Variants in PLEKHA6 observed in about 807,000 individuals in gnomAD.
PLEKHA6 encodes the protein pleckstrin homology domain containing A6, also known as pleckstrin homology domain-containing family A member 6.
PLEKHA6 carries 60 observed loss-of-function variants against 116.7 expected under a neutral mutation model. That is an observed-to-expected ratio of 0.51 (90% CI 0.42 to 0.64). PLEKHA6 has a LOEUF of 0.64. Ranked by LOEUF, PLEKHA6 falls within the 30% of genes least tolerant of loss-of-function variation. PLEKHA6 has a pLI of 0.00. For missense variants in PLEKHA6, 1,338 were observed against 1,422.7 expected, an observed-to-expected ratio of 0.94 and a Z score of 0.96; for synonymous variants, 489 against 556.1, an observed-to-expected ratio of 0.88 and a Z score of 1.70.
chr1:204,268,386 C>T, intron 3 of PLEKHA6, 74 bp from the exon 4 acceptor site: 5 of 962,810 alleles, frequency 5.2e-6, no homozygotes, highest in South Asian at 1.8e-5. Context: ...GGAGCCACCC[C>T]TGCTAGAGCT....
At chr1:204,273,539 A>G (rs1667692159) in intron 3 of PLEKHA6, 87 bp downstream of exon 3, 1 of 922,936 alleles carries the variant, frequency 1.1e-6, no homozygotes, top group Non-Finnish European at 1.8e-6. Flanking sequence ...TGGACAGGCT[A>G]CAATTTCCTA....
At chr1:204,351,338 T>C (rs1184881658) in intron 1 of PLEKHA6, among the ~76,000 whole-genome samples, 3 of 152,098 alleles carry the variant, frequency 2.0e-5, no homozygotes, top group Non-Finnish European at 4.4e-5. Context: ...CCCAGTTCCA[T>C]CACCCAAGCC....
chr1:204,267,018 G>A (rs991661555), intron 5 of PLEKHA6, among the ~76,000 whole-genome samples: 1 of 152,202 alleles, frequency 6.6e-6, no homozygotes, highest in African/African-American at 2.4e-5. Context: ...TAGGTGCTGT[G>A]GATACAGCAG....
chr1:204,318,141 A>G (rs1048302643), intron 1 of PLEKHA6, among the ~76,000 whole-genome samples: 2 of 152,188 alleles, frequency 1.3e-5, no homozygotes, highest in African/African-American at 4.8e-5. Flanking sequence ...GTGTCTCTCC[A>G]AAGACAATCT....
At position 204,230,507 on chromosome 1, in the gene PLEKHA6, C is replaced by T. The variant is rs200071766; in HGVS notation, c.2489G>A (p.Arg830Gln). 48 of 1,589,560 alleles carry T rather than the reference C, an allele frequency of 3.0e-5. No homozygotes were observed. Among genetic ancestry groups the T allele is most frequent in the East Asian group, 4.5e-5 (2 of 44,174 alleles). The change falls in exon 18 of 23, where the codon CGG becomes CAG. Residue 830 changes from arginine to glutamine, a missense_variant. This residue lies in a region of PLEKHA6 where 1,136 missense variants were observed against 1,163.6 expected (regional missense o/e 0.98). Transcript: ENST00000272203. The stretch of plus-strand genomic sequence containing the variant: ...CTCCCTCATGGAGCCACTCTGGTGC[C>T]GCCGCATTCGGTCAATCTGCTCCTC... ...SVEEQIDRMRRHQSGSMREKR... is the reference protein window; with the variant it reads ...SVEEQIDRMRQHQSGSMREKR...
chr1:204,353,953 G>A (rs1052284994), intron 1 of PLEKHA6, among the ~76,000 whole-genome samples: 2 of 152,200 alleles, frequency 1.3e-5, no homozygotes, highest in Admixed American at 6.5e-5. Flanking sequence ...CCTGGATCCA[G>A]TCCCTGGATA....
chr1:204,333,040 C>T (rs746503931), intron 1 of PLEKHA6, among the ~76,000 whole-genome samples: 2 of 152,222 alleles, frequency 1.3e-5, no homozygotes, highest in Non-Finnish European at 2.9e-5. Context: ...CTCTGCAATG[C>T]CTCCGCCAAA....
chr1:204,254,196 G>A (rs1051665789), intron 9 of PLEKHA6, among the ~76,000 whole-genome samples: 1 of 152,224 alleles, frequency 6.6e-6, no homozygotes, highest in African/African-American at 2.4e-5. Flanking sequence ...TTGGAATCCT[G>A]GGATCTGTTC....
chr1:204,244,957 G>T lies in PLEKHA6; in HGVS notation c.2079C>A (p.Ser693Arg). Residue 693 changes from serine (S) to arginine (R), a missense_variant, in exon 15 of 23, where the codon AGC becomes AGA. Physicochemically the swap from Ser to Arg is moderately radical, Grantham distance 110. Coordinates refer to ENST00000272203, the MANE Select transcript of PLEKHA6 (RefSeq NM_014935.5). The part of the protein sequence containing the change: ...SATYSSNSPA[S>R]PLSSASLTSP... The stretch of plus-strand genomic sequence containing the variant: ...TGGTGAGGCTGGCAGAGCTGAGGGG[G>T]CTGGCCGGGCTGTTGGAGCTGTAGG... 5.4e-6 allele frequency: 8 copies of T among 1,469,072 alleles called. No homozygotes were observed. Among genetic ancestry groups the T allele is most frequent in the Non-Finnish European group, 6.3e-6 (7 of 1,107,522 alleles). 91.0% of individuals were successfully genotyped at this position (1,469,072 alleles called of 1,614,324 possible). A position where few individuals can be genotyped will look rare whatever the true frequency, so the allele number is the denominator to read the frequency against.
chr1:204,355,372 C>A (rs1368728250), intron 1 of PLEKHA6, among the ~76,000 whole-genome samples: 6 of 152,192 alleles, frequency 3.9e-5, no homozygotes, highest in Admixed American at 6.5e-5. Context: ...CCACTGTTAG[C>A]ATCATATCAC....
Position 204,282,895 on chromosome 1 carries a change from A to G in PLEKHA6, c.-94-8086T>C, listed in dbSNP as rs1036475452. ...CCTTTCCTCAGTAGCTAAGCCAGAC[A>G]GAAGCAGAGAAAAAAGGCCCCAGCC... is the stretch of plus-strand genomic sequence containing the variant. On this transcript the variant is annotated intron_variant, in intron 1 of 22. Transcript: ENST00000272203. 6 of 764,372 alleles carry G rather than the reference A, an allele frequency of 7.8e-6. No homozygotes were observed. The African/African-American group carries it at 1.1e-4, about 14-fold the overall frequency. 47.3% of individuals were successfully genotyped at this position (764,372 alleles called of 1,614,324 possible).
At chr1:204,332,432 C>T (rs1672488462) in intron 1 of PLEKHA6, among the ~76,000 whole-genome samples, 1 of 152,192 alleles carries the variant, frequency 6.6e-6, no homozygotes, top group Non-Finnish European at 1.5e-5. Context: ...AGTGCAGTGG[C>T]ACGATCCATC....
intron 17 of PLEKHA6, among the ~76,000 whole-genome samples, chr1:204,237,959 C>T (rs1371261339): frequency 1.3e-5 from 2 of 152,184 alleles, no homozygotes; most frequent in Non-Finnish European, 2.9e-5. Flanking sequence ...GAACTTCTAC[C>T]TCAGTAAAAT....
In PLEKHA6 at chr1:204,280,153, A is replaced by G. The variant is rs181810851; in HGVS notation, c.-94-5344T>C. The stretch of plus-strand genomic sequence containing the variant: ...TATTTTTCCAGGCCTTTGTCTCTGC[A>G]CCTATTTAAAGCTTTCCTGTAGTTC... On this transcript the variant is annotated intron_variant, in intron 1 of 22. Transcript: ENST00000272203. 1.6e-4 allele frequency among the ~76,000 whole-genome samples: 24 copies of G among 152,252 alleles called. No individual in the cohort carries two copies. In the East Asian group the frequency reaches 4.6e-3, roughly 29 times the overall value.
chr1:204,309,418 T>C (rs142454887), intron 1 of PLEKHA6, among the ~76,000 whole-genome samples: 2 of 152,358 alleles, frequency 1.3e-5, no homozygotes, highest in East Asian at 1.9e-4. Context: ...AGTGTTCCCA[T>C]AGGATTATAA....
At chr1:204,249,878 G>A (rs144514724) in intron 10 of PLEKHA6, among the ~76,000 whole-genome samples, 96 of 152,234 alleles carry the variant, frequency 6.3e-4, no homozygotes, top group Admixed American at 1.9e-3. Context: ...TTCCTAGTCC[G>A]CACCTTTATT....
chr1:204,299,196 C>T (rs1240558551), intron 1 of PLEKHA6, among the ~76,000 whole-genome samples: 1 of 152,164 alleles, frequency 6.6e-6, no homozygotes, highest in Non-Finnish European at 1.5e-5. Flanking sequence ...CCAGAGGACC[C>T]AAAGTCTCCA....
At chr1:204,280,122 CCT>C (rs1668441815) in intron 1 of PLEKHA6, among the ~76,000 whole-genome samples, 1 of 152,050 alleles carries the variant, frequency 6.6e-6, no homozygotes, top group African/African-American at 2.4e-5. Flanking sequence ...AGAAGCAGAT[CCT>C]CTCTATTTTT....
intron 17 of PLEKHA6, among the ~76,000 whole-genome samples, chr1:204,235,021 CAG>C (rs1216861137): frequency 8.7e-5 from 7 of 80,816 alleles, no homozygotes; most frequent in East Asian, 3.9e-4. Context: ...TATCTAATAG[CAG>C]ATATATATAT....
Sources: gnomAD v4.1 joint callset for allele counts (sites outside exome capture counted in the v4.1 genomes callset) on GRCh38, gnomAD v4.1.1 for gene constraint, gnomAD v4.1.1 regional missense constraint, MANE v1.5 for transcripts, NCBI Gene and HGNC (gene_info 2026-07-23, HGNC 2026-07-21) for gene names.